Variants in SLCO3A1 observed in about 807,000 individuals in gnomAD.
SLCO3A1 encodes solute carrier organic anion transporter family member 3A1, also known as PGE1 transporter.
Under a neutral mutation model 63.1 loss-of-function variants are expected in SLCO3A1, and 27 were observed. The ratio of observed to expected loss-of-function variants is 0.43; its 90% CI spans 0.32 to 0.59. SLCO3A1 has a LOEUF of 0.59. Among genes scored for constraint, SLCO3A1 ranks in the 20% least tolerant of loss-of-function variants. SLCO3A1 has a pLI of 0.09. For synonymous variants in SLCO3A1, 473 were observed against 409.9 expected, an observed-to-expected ratio of 1.15 and a Z score of -1.86; for missense variants, 773 against 945.8, an observed-to-expected ratio of 0.82 and a Z score of 2.40.
intron 2 of SLCO3A1, among the ~76,000 whole-genome samples, chr15:91,926,558 CGTGTGTGTGT>C (rs565234731): frequency 2.9e-4 from 37 of 126,082 alleles, no homozygotes; most frequent in East Asian, 2.0e-3. Flanking sequence ...CCTGCCAAGC[CGTGTGTGTGT>C]GTGTGTGTGT....
At chr15:92,136,761 A>G (rs183813109) in intron 7 of SLCO3A1, among the ~76,000 whole-genome samples, 86 of 152,326 alleles carry the variant, frequency 5.6e-4, no homozygotes, top group Non-Finnish European at 3.7e-4. Flanking sequence ...TCAACCTGCC[A>G]AATAGATGAT....
At chr15:91,870,300 A>C (rs138547292) in intron 1 of SLCO3A1, among the ~76,000 whole-genome samples, 48 of 152,336 alleles carry the variant, frequency 3.2e-4, no homozygotes, top group Middle Eastern at 3.4e-3. Flanking sequence ...AGTAAGTTTA[A>C]TTTCACTGAA....
Position 91,966,214 on chromosome 15 carries a change from C to T in SLCO3A1, c.646+49756C>T, listed in dbSNP as rs575482513. Among the ~76,000 whole-genome samples, 61 of 152,266 alleles carry T rather than the reference C, an allele frequency of 4.0e-4. No homozygotes were observed. The South Asian group carries it at 0.012, about 31-fold the overall frequency. ...AGCCCCAGCCACACCATAACTGCAC[C>T]CGTAGCTCAGATGAGGTCAGGACAT... On this transcript the variant is annotated intron_variant, in intron 2 of 9. Coordinates refer to ENST00000318445, the MANE Select transcript of SLCO3A1 (RefSeq NM_013272.4).
At chr15:92,023,988 A>C (rs191014908) in intron 2 of SLCO3A1, among the ~76,000 whole-genome samples, 82 of 152,292 alleles carry the variant, frequency 5.4e-4, no homozygotes, top group African/African-American at 1.9e-3. Context: ...TCCAGAGCCA[A>C]GTCCAGTGAA....
intron 2 of SLCO3A1, among the ~76,000 whole-genome samples, chr15:91,944,226 T>A (rs1899722027): frequency 1.3e-5 from 1 of 77,266 alleles, no homozygotes. Context: ...ATTATTTGTA[T>A]GATTACCATA....
intron 2 of SLCO3A1, among the ~76,000 whole-genome samples, chr15:92,014,722 A>G (rs2046406825): frequency 6.6e-6 from 1 of 152,100 alleles, no homozygotes; most frequent in Non-Finnish European, 1.5e-5. Context: ...TATATGGTGG[A>G]AGTGGTGAGG....
chr15:91,888,966 G>A (rs891056348), intron 1 of SLCO3A1: 2 of 315,130 alleles, frequency 6.3e-6, no homozygotes, highest in East Asian at 1.0e-4. Flanking sequence ...CTGTGATCAT[G>A]CTATTGCAGT....
intron 2 of SLCO3A1, among the ~76,000 whole-genome samples, chr15:92,078,702 A>G (rs1004415761): frequency 2.0e-5 from 3 of 152,196 alleles, no homozygotes; most frequent in East Asian, 3.9e-4. Flanking sequence ...CTGTACATGT[A>G]TCACTGGGCA....
intron 2 of SLCO3A1, among the ~76,000 whole-genome samples, chr15:92,029,044 A>G (rs531688525): frequency 4.3e-4 from 65 of 152,216 alleles, no homozygotes; most frequent in African/African-American, 1.5e-3. Context: ...GAGGACATAC[A>G]TTTAAGTAAA....
chr15:91,926,558 C>CGT (rs565234731), intron 2 of SLCO3A1, among the ~76,000 whole-genome samples: 9,376 of 126,024 alleles, frequency 0.074, 378 homozygotes, highest in Admixed American at 0.11. Flanking sequence ...CCTGCCAAGC[C>CGT]GTGTGTGTGT....
chr15:92,037,907 C>A (rs1468198355), intron 2 of SLCO3A1, among the ~76,000 whole-genome samples: 1 of 152,166 alleles, frequency 6.6e-6, no homozygotes, highest in African/African-American at 2.4e-5. Context: ...TGGTTTATGA[C>A]AAGGTGATCT....
chr15:92,145,375 AGTGAGGAAG>A (rs1451188254), intron 7 of SLCO3A1, among the ~76,000 whole-genome samples: 1 of 152,100 alleles, frequency 6.6e-6, no homozygotes, highest in Non-Finnish European at 1.5e-5. Context: ...TCCTAATAAA[AGTGAGGAAG>A]GTTCGTTCTC....
chr15:91,867,390 T>C (rs1217142783), intron 1 of SLCO3A1, among the ~76,000 whole-genome samples: 1 of 152,180 alleles, frequency 6.6e-6, no homozygotes, highest in East Asian at 1.9e-4. Flanking sequence ...GGGGCAAATA[T>C]AGGGTCCTGG....
At chr15:92,147,264 T>A in intron 8 of SLCO3A1, 105 bp downstream of exon 8, 1 of 1,171,554 alleles carries the variant, frequency 8.5e-7, no homozygotes, top group Non-Finnish European at 1.2e-6. Flanking sequence ...TCGAACCAGG[T>A]GAGCTAGGGC....
intron 2 of SLCO3A1, among the ~76,000 whole-genome samples, chr15:91,987,365 A>T (rs1217855469): frequency 6.6e-6 from 1 of 152,140 alleles, no homozygotes; most frequent in Non-Finnish European, 1.5e-5. Context: ...CAAGTGATGT[A>T]TTATGCTCTG....
chr15:91,925,699 C>T (rs1272540918), intron 2 of SLCO3A1, among the ~76,000 whole-genome samples: 1 of 152,102 alleles, frequency 6.6e-6, no homozygotes, highest in African/African-American at 2.4e-5. Context: ...TGTAGGACTG[C>T]TACTGAAAGA....
At chr15:91,855,818 G>T (rs1896903551) in intron 1 of SLCO3A1, among the ~76,000 whole-genome samples, 1 of 152,098 alleles carries the variant, frequency 6.6e-6, no homozygotes, top group African/African-American at 2.4e-5. Context: ...TTAGAAGGAG[G>T]TAATTAGTAT....
chr15:91,938,382 A>G (rs1004673859), intron 2 of SLCO3A1, among the ~76,000 whole-genome samples: 1 of 152,186 alleles, frequency 6.6e-6, no homozygotes. Context: ...TGATGAGACG[A>G]AATGGCATTT....
intron 2 of SLCO3A1, among the ~76,000 whole-genome samples, chr15:91,975,706 C>T (rs894139483): frequency 6.6e-6 from 1 of 152,238 alleles, no homozygotes; most frequent in African/African-American, 2.4e-5. Context: ...AGCACAGCCT[C>T]CTCCTTCCTA....
Sources: gnomAD v4.1 joint callset for allele counts (sites outside exome capture counted in the v4.1 genomes callset) on GRCh38, gnomAD v4.1.1 for gene constraint, MANE v1.5 for transcripts, NCBI Gene and HGNC (gene_info 2026-07-23, HGNC 2026-07-21) for gene names.